The following ZNF512B variants were observed in gnomAD, a reference collection of about 807,000 sequenced individuals.
ZNF512B encodes the protein zinc finger protein 512B.
Under a neutral mutation model 87.8 loss-of-function variants are expected in ZNF512B, and 22 were observed. The observed-to-expected ratio is 0.25, with a 90% confidence interval of 0.18 to 0.36. The LOEUF (loss-of-function observed/expected upper bound fraction) is 0.36. ZNF512B is among the 10% of genes least tolerant of loss of function. The probability of loss-of-function intolerance (pLI) is 1.00; values close to 1 mark genes in which losing one functional copy is unlikely to be tolerated. For synonymous variants in ZNF512B, 524 were observed against 490.9 expected, an observed-to-expected ratio of 1.07 and a Z score of -0.89; for missense variants, 1,060 against 1,231.6, an observed-to-expected ratio of 0.86 and a Z score of 2.09.
At position 63,964,378 on chromosome 20, in the gene ZNF512B, T is replaced by C. The variant is rs1427663434; in HGVS notation, c.1275A>G (p.Lys425=). 1.2e-6 allele frequency: 2 copies of C among 1,613,828 alleles called. No homozygotes were observed. The highest frequency in any genetic ancestry group is 2.7e-5 in the African/African-American group (2 of 75,004). The part of the protein sequence containing the change: ...PERTKHRRKQ[K]TPKKFTGEQP... ...GCTCCCCTGTAAACTTTTTGGGTGTTTTCTGTTTCCTTCCTGACTCGGGGA... is the reference window on the plus strand; with the variant it reads ...GCTCCCCTGTAAACTTTTTGGGTGTCTTCTGTTTCCTTCCTGACTCGGGGA... The change falls in exon 7 of 17, where the codon AAA becomes AAG. Residue 425 remains lysine, a synonymous_variant. Transcript: ENST00000369888.
At position 63,965,746 on chromosome 20, in the gene ZNF512B, T is replaced by C. The variant is rs878943727; in HGVS notation, c.1034+395A>G. Among the ~76,000 whole-genome samples, 6 of 7,720 alleles carry C rather than the reference T, an allele frequency of 7.8e-4. No individual in the cohort carries two copies. The African/African-American group carries it at 9.9e-3, about 13-fold the overall frequency. 5.1% of individuals were successfully genotyped at this position (7,720 alleles called of 152,430 possible). ...TGGGACGAGCCCCCATACCTTTTCT[T>C]ACCACTGTTCCTCCCCGACCTGGGA... On this transcript the variant is annotated intron_variant, in intron 5 of 16. Transcript: ENST00000369888.
rs545546775 is a variant in ZNF512B at position 63,967,631 on chromosome 20, G to C, written c.122-108C>G. 1.5e-5 allele frequency: 22 copies of C among 1,492,348 alleles called. No homozygotes were observed. In the African/African-American group the frequency reaches 3.1e-4, roughly 21 times the overall value. The allele number at this position is 1,492,348 out of a possible 1,614,324, so 92.4% of individuals were successfully genotyped here. ...GCTGTCCCAACACGAGGGCACCGGG[G>C]GCAGGGGCTGCGGCCAGCTGAGGAC... On this transcript the variant is annotated intron_variant, in intron 2 of 16. Coordinates refer to ENST00000369888, the MANE Select transcript of ZNF512B (RefSeq NM_020713.3).
chr20:63,962,168 G>C lies in ZNF512B; in HGVS notation c.2265+105C>G, dbSNP rs1339277558. 7 of 1,353,044 alleles carry C rather than the reference G, an allele frequency of 5.2e-6. No homozygotes were observed. The African/African-American group carries it at 5.7e-5, about 11-fold the overall frequency. The allele number at this position is 1,353,044 out of a possible 1,614,324, so 83.8% of individuals were successfully genotyped here. A position where few individuals can be genotyped will look rare whatever the true frequency, so the allele number is the denominator to read the frequency against. ...GCATGTGAGGCCTGGGGTGGGCTTG[G>C]GCACCTCCTGAAAGCTCTCAGCCTC... On this transcript the variant is annotated intron_variant, in intron 14 of 16. Transcript: ENST00000369888.
Position 63,957,527 on chromosome 20 carries a change from C to G in ZNF512B, c.*2361G>C, listed in dbSNP as rs1269509972. The stretch of plus-strand genomic sequence containing the variant: ...GAGGGCAGAAAGGAGGGGGTCAGAC[C>G]CAACAGCCACTTCTGGCAGTAGCCC... On this transcript the variant is annotated 3_prime_UTR_variant, in exon 17 of 17. Coordinates refer to ENST00000369888, the MANE Select transcript of ZNF512B (RefSeq NM_020713.3). 1 of 152,586 alleles carries G rather than the reference C, an allele frequency of 6.6e-6. No homozygotes were observed. Among genetic ancestry groups the G allele is most frequent in the African/African-American group, 2.4e-5 (1 of 41,420 alleles). The allele number at this position is 152,586 out of a possible 1,614,324, so 9.5% of individuals were successfully genotyped here.
At position 63,963,924 on chromosome 20, in the gene ZNF512B, G is replaced by A; in HGVS notation, c.1481-11C>T. The A allele has an allele frequency of 6.2e-7, 1 of 1,608,526 alleles. No individual in the cohort carries two copies. Among genetic ancestry groups the A allele is most frequent in the South Asian group, 1.1e-5 (1 of 91,082 alleles). Reference sequence around the variant, plus strand: ...GCTCTTCAGGGCCACCTGTGGGTAAGGCAGGGGCCTCGAAGGCTTGTGGGG... The same window carrying A: ...GCTCTTCAGGGCCACCTGTGGGTAAAGCAGGGGCCTCGAAGGCTTGTGGGG... On this transcript the variant is annotated splice_polypyrimidine_tract_variant and intron_variant, in intron 8 of 16. Coordinates refer to ENST00000369888, the MANE Select transcript of ZNF512B (RefSeq NM_020713.3).
At chr20:63,963,003 T>G in intron 12 of ZNF512B, 92 bp downstream of exon 12, 2 of 1,427,232 alleles carry the variant, frequency 1.4e-6, no homozygotes, top group Non-Finnish European at 9.3e-7. Context: ...CGTTGGGCGG[T>G]ACATGGACAA....
chr20:63,963,161 G>A lies in ZNF512B; in HGVS notation c.1902C>T (p.His634=). ...EVDSPSFPCT[H]CGKTYRSKAG... ...CCTTGGATCGGTACGTCTTGCCACA[G>A]TGGGTGCAGGGGAAGGAGGGGCTGT... The change falls in exon 12 of 17, where the codon CAC becomes CAT. Residue 634 remains histidine (H), a synonymous_variant. Coordinates refer to ENST00000369888, the MANE Select transcript of ZNF512B (RefSeq NM_020713.3). 1.3e-6 allele frequency: 2 copies of A among 1,550,116 alleles called. No individual in the cohort carries two copies. Among genetic ancestry groups the A allele is most frequent in the Middle Eastern group, 1.7e-4 (1 of 6,000 alleles).
At chr20:63,962,862 G>T in intron 12 of ZNF512B, 81 bp from the exon 13 acceptor site, 1 of 1,404,244 alleles carries the variant, frequency 7.1e-7, no homozygotes, top group Non-Finnish European at 9.5e-7. Context: ...CCACCCTAAG[G>T]CCGGTGGACC....
At chr20:63,969,500 G>A (rs1204749915) in intron 1 of ZNF512B, among the ~76,000 whole-genome samples, 1 of 150,870 alleles carries the variant, frequency 6.6e-6, no homozygotes, top group Non-Finnish European at 1.5e-5. Flanking sequence ...CGCACCTGGG[G>A]CCAGCCTCGC....
chr20:63,969,296 A>G (rs1364274411), intron 1 of ZNF512B: 5 of 577,044 alleles, frequency 8.7e-6, no homozygotes, highest in Non-Finnish European at 1.1e-5. Context: ...CCTGGGAGGC[A>G]GAGACGCGAC....
Position 63,957,148 on chromosome 20 carries a change from G to A in ZNF512B, c.*2740C>T, listed in dbSNP as rs1258094716. On this transcript the variant is annotated 3_prime_UTR_variant, in exon 17 of 17. Transcript: ENST00000369888. ...CCTTCCCTTCAGCGCCACCAGGCAG[G>A]AGGGCCAACGGTCACACAGGAGGCA... 1 of 152,536 alleles carries A rather than the reference G, an allele frequency of 6.6e-6. No homozygotes were observed. The highest frequency in any genetic ancestry group is 2.4e-5 in the African/African-American group (1 of 41,466). 9.4% of individuals were successfully genotyped at this position (152,536 alleles called of 1,614,324 possible).
rs2058818014 is a variant in ZNF512B at position 63,958,497 on chromosome 20, T to G, written c.*1391A>C. 1 of 152,172 alleles carries G rather than the reference T, an allele frequency of 6.6e-6. No individual in the cohort carries two copies. The highest frequency in any genetic ancestry group is 1.5e-5 in the Non-Finnish European group (1 of 68,044). The allele number at this position is 152,172 out of a possible 1,614,324, so 9.4% of individuals were successfully genotyped here. A position where few individuals can be genotyped will look rare whatever the true frequency, so the allele number is the denominator to read the frequency against. On this transcript the variant is annotated 3_prime_UTR_variant, in exon 17 of 17. Coordinates refer to ENST00000369888, the MANE Select transcript of ZNF512B (RefSeq NM_020713.3). ...ACATCAAAATTCTCATCGTCCAGGGTCAGTGGGGCCGAGCCCTCAGCCCAC... is the reference window on the plus strand; with the variant it reads ...ACATCAAAATTCTCATCGTCCAGGGGCAGTGGGGCCGAGCCCTCAGCCCAC...
rs572647967 is a variant in ZNF512B at position 63,959,819 on chromosome 20, G to A, written c.*69C>T. The A allele has an allele frequency of 3.2e-5, 48 of 1,502,216 alleles. No individual in the cohort carries two copies. The highest frequency in any genetic ancestry group is 6.8e-5 in the East Asian group (3 of 44,034). 93.1% of individuals were successfully genotyped at this position (1,502,216 alleles called of 1,614,324 possible). On this transcript the variant is annotated 3_prime_UTR_variant, in exon 17 of 17. Coordinates refer to ENST00000369888, the MANE Select transcript of ZNF512B (RefSeq NM_020713.3). ...TGGAGAACTGGAGGACAGAGGTCCCGGAGCTGGCCCTGCCTTGAACAGAGG... is the reference window on the plus strand; with the variant it reads ...TGGAGAACTGGAGGACAGAGGTCCCAGAGCTGGCCCTGCCTTGAACAGAGG...
rs946642081 is a variant in ZNF512B, at chr20:63,956,902, T to C, written c.*2986A>G. 12 of 152,516 alleles carry C rather than the reference T, an allele frequency of 7.9e-5. No homozygotes were observed. The highest frequency in any genetic ancestry group is 2.4e-4 in the African/African-American group (10 of 41,514). The allele number at this position is 152,516 out of a possible 1,614,324, so 9.4% of individuals were successfully genotyped here. On this transcript the variant is annotated 3_prime_UTR_variant, in exon 17 of 17. Coordinates refer to ENST00000369888, the MANE Select transcript of ZNF512B (RefSeq NM_020713.3). ...TTTGTAGATAGAATATATATGTATA[T>C]ATATATGGTTACAAGTGATAGCTGG...
intron 6 of ZNF512B, 39 bp downstream of exon 6, chr20:63,964,451 A>G: frequency 1.2e-6 from 2 of 1,613,448 alleles, no homozygotes; most frequent in Non-Finnish European, 1.7e-6. Context: ...CAGGAGGCCG[A>G]GCCTGCCCCG....
In ZNF512B at chr20:63,969,868, C is replaced by CGGGGCGA. The variant is rs1223982453; in HGVS notation, c.-58_-57insTCGCCCC. 8.2e-6 allele frequency: 1 copy of CGGGGCGA among 122,326 alleles called. No homozygotes were observed. The highest frequency in any genetic ancestry group is 3.0e-5 in the African/African-American group (1 of 33,426). The allele number at this position is 122,326 out of a possible 1,614,324, so 7.6% of individuals were successfully genotyped here. ...CCGGGCCGGGCCGGGGCGGGGGGCG[C>CGGGGCGA]GGGGCGCGGGGCGCTGGGTCCGGGC... On this transcript the variant is annotated 5_prime_UTR_variant, in exon 1 of 17. Coordinates refer to ENST00000369888, the MANE Select transcript of ZNF512B (RefSeq NM_020713.3).
intron 1 of ZNF512B, chr20:63,969,241 C>T (rs1474752711): frequency 2.1e-6 from 2 of 955,818 alleles, no homozygotes; most frequent in Non-Finnish European, 2.5e-6. Context: ...TTTTCTGAAG[C>T]CTGGGAGAAG....
rs2058928065 is a variant in ZNF512B at position 63,966,458 on chromosome 20, A to G, written c.717T>C (p.Pro239=). The G allele has an allele frequency of 6.2e-7, 1 of 1,613,782 alleles. No homozygotes were observed. Among genetic ancestry groups the G allele is most frequent in the Non-Finnish European group, 8.5e-7 (1 of 1,179,954 alleles). The change falls in exon 5 of 17, where the codon CCT becomes CCC. Residue 239 remains proline, a synonymous_variant. Transcript: ENST00000369888. ...PVTRPVPVTK[P]VTVSRPMPVT... is the part of the protein sequence containing the mutation. ...CGGGCATGGGCCTGCTGACTGTGAC[A>G]GGTTTGGTGACTGGCACGGGCCTAG...
Position 63,964,528 on chromosome 20 carries a change from G to C in ZNF512B, c.1223C>G (p.Ala408Gly), listed in dbSNP as rs745684170. ...GMEALKAAGPASPPEEDPERT... is the reference protein window; with the variant it reads ...GMEALKAAGPGSPPEEDPERT... The stretch of plus-strand genomic sequence containing the variant: ...CTCCGGGTCCTCCTCAGGCGGGGAC[G>C]CAGGGCCTGCAGCCTTCAGTGCCTC... Residue 408 changes from alanine to glycine, a missense_variant, in exon 6 of 17, where the codon GCG becomes GGG. This residue lies in a region of ZNF512B where 212 missense variants were observed against 207.6 expected (regional missense o/e 1.02). Transcript: ENST00000369888. 1.2e-6 allele frequency: 2 copies of C among 1,612,534 alleles called. No individual in the cohort carries two copies. The highest frequency in any genetic ancestry group is 1.1e-5 in the South Asian group (1 of 91,056).
Sources: allele counts gnomAD v4.1 joint callset (sites outside exome capture counted in the v4.1 genomes callset), GRCh38; gene constraint gnomAD v4.1.1; regional missense constraint gnomAD v4.1.1; transcripts MANE v1.5; gene names NCBI Gene and HGNC (gene_info 2026-07-23, HGNC 2026-07-21).